ABCA12: variants seen among roughly 807,000 people sequenced by gnomAD.
The protein encoded by ABCA12 is glucosylceramide transporter ABCA12.
ABCA12 carries 156 observed loss-of-function variants against 293.5 expected under a neutral mutation model. The observed-to-expected ratio is 0.53, with a 90% CI of 0.47 to 0.61. The LOEUF (loss-of-function observed/expected upper bound fraction) is 0.61, where lower values mean the gene tolerates loss of function less well. ABCA12 is among the 20% of genes least tolerant of loss of function. ABCA12 has a pLI of 0.00. For missense variants in ABCA12, 2,797 were observed against 3,090.2 expected, an observed-to-expected ratio of 0.91 and a Z score of 2.25; for synonymous variants, 1,063 against 1,108.0, an observed-to-expected ratio of 0.96 and a Z score of 0.81.
intron 3 of ABCA12, among the ~76,000 whole-genome samples, chr2:215,061,766 T>C (rs1245420892): frequency 1.3e-5 from 2 of 152,020 alleles, no homozygotes; most frequent in African/African-American, 4.8e-5. Flanking sequence ...AAAGCAGACA[T>C]GATCAGCCAT....
intron 39 of ABCA12, among the ~76,000 whole-genome samples, chr2:214,959,981 G>A (rs1012289498): frequency 2.0e-5 from 3 of 152,136 alleles, no homozygotes; most frequent in African/African-American, 7.2e-5. Flanking sequence ...CATAAACTAA[G>A]TGAGAGCTTT....
rs773050308 is a variant in ABCA12, at chr2:215,049,838, A to G, written c.508-27T>C. On this transcript the variant is annotated intron_variant, in intron 5 of 52. Coordinates refer to ENST00000272895, the MANE Select transcript of ABCA12 (RefSeq NM_173076.3). ...TAAAAGCATGTGTGAAAAGAGTAAA[A>G]TAAGAGTGTTAATAAATGTAGATGT... The G allele has an allele frequency of 9.5e-6, 15 of 1,583,224 alleles. No individual in the cohort carries two copies. In the South Asian group the frequency reaches 1.6e-4, roughly 16 times the overall value.
intron 6 of ABCA12, among the ~76,000 whole-genome samples, chr2:215,049,228 A>G (rs993462557): frequency 3.9e-5 from 6 of 152,322 alleles, no homozygotes; most frequent in Middle Eastern, 3.4e-3. Flanking sequence ...AGTGAGAAAA[A>G]TAAAAAGATT....
At chr2:215,041,382 T>C (rs984113509) in intron 7 of ABCA12, among the ~76,000 whole-genome samples, 82 of 151,864 alleles carry the variant, frequency 5.4e-4, no homozygotes, top group African/African-American at 1.7e-3. Flanking sequence ...TGAAACCCCG[T>C]CTCTACCAAA....
intron 2 of ABCA12, among the ~76,000 whole-genome samples, chr2:215,067,371 C>A (rs1559175784): frequency 6.6e-6 from 1 of 152,004 alleles, no homozygotes; most frequent in Non-Finnish European, 1.5e-5. Context: ...AGCCAAAGCA[C>A]AAATTTAAGG....
chr2:215,124,391 T>G (rs1470739170), intron 1 of ABCA12, among the ~76,000 whole-genome samples: 2 of 152,238 alleles, frequency 1.3e-5, no homozygotes, highest in Non-Finnish European at 2.9e-5. Flanking sequence ...TTCCACACTA[T>G]TTTTGATAGT....
intron 1 of ABCA12, among the ~76,000 whole-genome samples, chr2:215,132,952 C>A (rs1456370853): frequency 6.6e-6 from 1 of 151,896 alleles, no homozygotes; most frequent in South Asian, 2.1e-4. Context: ...GTTTTCTTGT[C>A]TGGGAAAGAC....
intron 42 of ABCA12, among the ~76,000 whole-genome samples, chr2:214,956,146 T>C (rs867658766): frequency 1.3e-5 from 2 of 152,226 alleles, no homozygotes; most frequent in South Asian, 4.1e-4. Context: ...TACTACCATG[T>C]ATTCAGGGCA....
chr2:214,949,383 C>T (rs867912446), intron 45 of ABCA12, among the ~76,000 whole-genome samples: 40 of 150,968 alleles, frequency 2.6e-4, no homozygotes, highest in South Asian at 2.1e-3. Flanking sequence ...TATATACACA[C>T]ACACACACAC....
At chr2:215,123,288 C>T (rs1374788048) in intron 1 of ABCA12, among the ~76,000 whole-genome samples, 5 of 152,150 alleles carry the variant, frequency 3.3e-5, no homozygotes, top group Non-Finnish European at 7.4e-5. Context: ...TTCACTGCCT[C>T]AGCCTCCCAA....
intron 38 of ABCA12, among the ~76,000 whole-genome samples, chr2:214,967,192 T>A (rs991424931): frequency 6.6e-6 from 1 of 152,144 alleles, no homozygotes; most frequent in Non-Finnish European, 1.5e-5. Context: ...ACTAAATTAT[T>A]AGTTATTCAG....
chr2:214,970,832 A>G (rs919765490), intron 36 of ABCA12, among the ~76,000 whole-genome samples: 1 of 152,156 alleles, frequency 6.6e-6, no homozygotes, highest in African/African-American at 2.4e-5. Flanking sequence ...TGAAAAGTTT[A>G]TGATACATTA....
intron 34 of ABCA12, among the ~76,000 whole-genome samples, 187 bp from the exon 35 acceptor site, chr2:214,975,051 G>C (rs774777626): frequency 3.4e-4 from 51 of 152,176 alleles, no homozygotes; most frequent in Non-Finnish European, 2.1e-4. Flanking sequence ...TGCAACCTCA[G>C]CCTCCCGGGT....
At position 214,980,556 on chromosome 2, in the gene ABCA12, C is replaced by G; in HGVS notation, c.4667G>C (p.Arg1556Thr). The change falls in exon 31 of 53, where the codon AGG (arginine) becomes ACG (threonine). Residue 1556 changes from arginine to threonine, a missense_variant. Around this residue, in one of 3 missense-constraint regions of ABCA12, gnomAD observed 2,130 missense variants for 2,427.0 expected, o/e 0.88. Transcript: ENST00000272895. ...GAGGTAAAATGGGGACCCACAGCAC[C>G]TAAGCCCACCCTGCTCCAGGAAGGC... The part of the protein sequence containing the change: ...RIAFLEQGGL[R>T]CCGSPFYLKE... 1 of 1,614,028 alleles carries G rather than the reference C, an allele frequency of 6.2e-7. No homozygotes were observed. Among genetic ancestry groups the G allele is most frequent in the East Asian group, 2.2e-5 (1 of 44,868 alleles).
At chr2:215,027,053 C>G in intron 9 of ABCA12, 115 bp from the exon 10 acceptor site, 1 of 802,776 alleles carries the variant, frequency 1.2e-6, no homozygotes, top group Non-Finnish European at 2.2e-6. Context: ...CATTGAAATA[C>G]TATGCAGTTG....
chr2:214,979,179 A>C, intron 31 of ABCA12, 139 bp from the exon 32 acceptor site: 1 of 775,270 alleles, frequency 1.3e-6, no homozygotes, highest in Non-Finnish European at 2.2e-6. Context: ...TGCTCTAGAG[A>C]CCCCTTTGCC....
chr2:215,112,582 T>G (rs577185418), intron 1 of ABCA12, among the ~76,000 whole-genome samples: 2 of 150,650 alleles, frequency 1.3e-5, no homozygotes, highest in African/African-American at 4.9e-5. Context: ...TGCTGCAACC[T>G]CTGCCTCCCA....
At chr2:214,956,877 C>A (rs1698968172) in intron 41 of ABCA12, 99 bp from the exon 42 acceptor site, 1 of 781,220 alleles carries the variant, frequency 1.3e-6, no homozygotes, top group East Asian at 2.6e-5. Flanking sequence ...ACAAGTTGAC[C>A]TAGAAAAATT....
At chr2:215,106,212 T>C (rs554190215) in intron 2 of ABCA12, among the ~76,000 whole-genome samples, 104 of 152,254 alleles carry the variant, frequency 6.8e-4, no homozygotes, top group African/African-American at 1.9e-3. Context: ...ACAATAGCTC[T>C]TCTTAACAAT....
Sources: allele counts gnomAD v4.1 joint callset (sites outside exome capture counted in the v4.1 genomes callset), GRCh38; gene constraint gnomAD v4.1.1; regional missense constraint gnomAD v4.1.1; transcripts MANE v1.5; gene names NCBI Gene and HGNC (gene_info 2026-07-23, HGNC 2026-07-21).